Variants in CD93 observed in about 807,000 individuals in gnomAD.
CD93 encodes complement component C1q receptor.
In CD93, 44 loss-of-function variants were observed where a neutral mutation model predicts 45.5. That is an observed-to-expected ratio of 0.97 (90% CI 0.76 to 1.24). CD93 has a LOEUF of 1.24. Ranked by LOEUF, CD93 falls within the 50% of genes most tolerant of loss-of-function variation. The pLI is 0.00. For synonymous variants in CD93, 431 were observed against 370.8 expected (o/e 1.16, Z -1.87); for missense variants, 918 against 844.5 (o/e 1.09, Z -1.08).
rs1236594313 is a variant in CD93 at position 23,081,944 on chromosome 20, C to T, written c.*2006G>A. 1 of 152,216 alleles carries T rather than the reference C, an allele frequency of 6.6e-6. No individual in the cohort carries two copies. Among genetic ancestry groups the T allele is most frequent in the Admixed American group, 6.5e-5 (1 of 15,284 alleles). 9.4% of individuals were successfully genotyped at this position (152,216 alleles called of 1,614,324 possible). Reference sequence around the variant, plus strand: ...GATGTTGGTCAGCAGCGCATCCAGCCATGTCTTTAGAATCCTCTGAATGGC... The same window carrying T: ...GATGTTGGTCAGCAGCGCATCCAGCTATGTCTTTAGAATCCTCTGAATGGC... On this transcript the variant is annotated 3_prime_UTR_variant, in exon 2 of 2. Coordinates refer to ENST00000246006, the MANE Select transcript of CD93 (RefSeq NM_012072.4).
Position 23,083,924 on chromosome 20 carries a change from C to G in CD93, c.*26G>C, listed in dbSNP as rs1330637657. 2.4e-5 allele frequency: 38 copies of G among 1,612,372 alleles called. No individual in the cohort carries two copies. The highest frequency in any genetic ancestry group is 3.1e-5 in the Non-Finnish European group (37 of 1,178,418). ...GCTCTGAGGATGGTGGCTGGTGACT[C>G]TAGTGTCTCTAGGGCCACCTCACTT... On this transcript the variant is annotated 3_prime_UTR_variant, in exon 2 of 2. Coordinates refer to ENST00000246006, the MANE Select transcript of CD93 (RefSeq NM_012072.4).
chr20:23,084,218 C>A, intron 1 of CD93, 41 bp downstream of exon 1: 1 of 1,598,738 alleles, frequency 6.3e-7, no homozygotes. Flanking sequence ...TGCCCCCATG[C>A]CTGCCCATCC....
At position 23,081,623 on chromosome 20, in the gene CD93, G is replaced by A. The variant is rs1361062781; in HGVS notation, c.*2327C>T. 6 of 152,214 alleles carry A rather than the reference G, an allele frequency of 3.9e-5. No homozygotes were observed. Among genetic ancestry groups the A allele is most frequent in the African/African-American group, 1.4e-4 (6 of 41,438 alleles). The allele number at this position is 152,214 out of a possible 1,614,324, so 9.4% of individuals were successfully genotyped here. On this transcript the variant is annotated 3_prime_UTR_variant, in exon 2 of 2. Coordinates refer to ENST00000246006, the MANE Select transcript of CD93 (RefSeq NM_012072.4). ...CCAGCCTGCCAGGGAAGGTTTTGAG[G>A]AACTGGATTCTTTATCACCCATTTC...
Position 23,083,891 on chromosome 20 carries a change from A to T in CD93, c.*59T>A. On this transcript the variant is annotated 3_prime_UTR_variant, in exon 2 of 2. Coordinates refer to ENST00000246006, the MANE Select transcript of CD93 (RefSeq NM_012072.4). ...ATGTGGGTGCCCCTTTGGAATGGGGAGTTCAAAGCTCTGAGGATGGTGGCT... is the reference window on the plus strand; with the variant it reads ...ATGTGGGTGCCCCTTTGGAATGGGGTGTTCAAAGCTCTGAGGATGGTGGCT... 1 of 1,516,634 alleles carries T rather than the reference A, an allele frequency of 6.6e-7. No individual in the cohort carries two copies. Among genetic ancestry groups the T allele is most frequent in the African/African-American group, 1.4e-5 (1 of 73,110 alleles). 93.9% of individuals were successfully genotyped at this position (1,516,634 alleles called of 1,614,324 possible). A position where few individuals can be genotyped will look rare whatever the true frequency, so the allele number is the denominator to read the frequency against.
rs1288900543 is a variant in CD93, at chr20:23,079,610, CT to C, written c.*4339del. 2 of 152,192 alleles carry C rather than the reference CT, an allele frequency of 1.3e-5. No homozygotes were observed. Among genetic ancestry groups the C allele is most frequent in the Admixed American group, 1.3e-4 (2 of 15,278 alleles). The allele number at this position is 152,192 out of a possible 1,614,324, so 9.4% of individuals were successfully genotyped here. A position where few individuals can be genotyped will look rare whatever the true frequency, so the allele number is the denominator to read the frequency against. On this transcript the variant is annotated 3_prime_UTR_variant, in exon 2 of 2. Coordinates refer to ENST00000246006, the MANE Select transcript of CD93 (RefSeq NM_012072.4). ...ACACACATTTAAAAATACTTACATT[CT>C]CATTTAGCATTCATGAAGTGATTAC...
At chr20:23,084,118 G>A in intron 1 of CD93, 141 bp downstream of exon 1, 3 of 1,403,228 alleles carry the variant, frequency 2.1e-6, no homozygotes, top group Non-Finnish European at 2.0e-6. Context: ...CGTGGGGGGA[G>A]GTTGAGGGGT....
Position 23,084,284 on chromosome 20 carries a change from T to C in CD93, c.1909A>G (p.Ser637Gly). The C allele has an allele frequency of 6.2e-7, 1 of 1,614,022 alleles. No homozygotes were observed. Among genetic ancestry groups the C allele is most frequent in the Non-Finnish European group, 8.5e-7 (1 of 1,180,012 alleles). ...SYSWVPERAE[S>G]RAMENQYSPT... ...CTGTACTGGTTCTCCATGGCCCTGC[T>C]CTCAGCTCGCTCTGGAACCCAGGAG... The change falls in exon 1 of 2, where the codon AGC becomes GGC. Residue 637 changes from serine to glycine, a missense_variant. Ser to Gly is a moderately conservative substitution (Grantham distance 56). Coordinates refer to ENST00000246006, the MANE Select transcript of CD93 (RefSeq NM_012072.4).
chr20:23,083,849 T>C lies in CD93; in HGVS notation c.*101A>G, dbSNP rs548989390. 715 of 1,046,316 alleles carry C rather than the reference T, an allele frequency of 6.8e-4. 9 individuals carry two copies. The South Asian group carries it at 8.7e-3, about 13-fold the overall frequency. 64.8% of individuals were successfully genotyped at this position (1,046,316 alleles called of 1,614,324 possible). A position where few individuals can be genotyped will look rare whatever the true frequency, so the allele number is the denominator to read the frequency against. On this transcript the variant is annotated 3_prime_UTR_variant, in exon 2 of 2. Transcript: ENST00000246006. ...TTACAATTGTTTGCTAAGATTCCAG[T>C]CCAGTCTTTCAAAAAAATGTGGGTG...
rs1985389315 is a variant in CD93 at position 23,083,706 on chromosome 20, A to G, written c.*244T>C. On this transcript the variant is annotated 3_prime_UTR_variant, in exon 2 of 2. Coordinates refer to ENST00000246006, the MANE Select transcript of CD93 (RefSeq NM_012072.4). ...ATTTGAAAAGGGAGGGGGAGTAACA[A>G]TCATTATAGAGTCACGAAATCCCCA... is the stretch of plus-strand genomic sequence containing the variant. 7.0e-6 allele frequency: 4 copies of G among 574,900 alleles called. No homozygotes were observed. Among genetic ancestry groups the G allele is most frequent in the Non-Finnish European group, 9.3e-6 (3 of 321,106 alleles). The allele number at this position is 574,900 out of a possible 1,614,324, so 35.6% of individuals were successfully genotyped here. A position where few individuals can be genotyped will look rare whatever the true frequency, so the allele number is the denominator to read the frequency against.
At chr20:23,084,114 G>GGGA (rs1985402105) in intron 1 of CD93, 140 bp from the exon 2 acceptor site, 1 of 1,395,628 alleles carries the variant, frequency 7.2e-7, no homozygotes, top group Non-Finnish European at 1.0e-6. Flanking sequence ...CTGGCGTGGG[G>GGGA]GGAGGTTGAG....
rs1457403714 is a variant in CD93, at chr20:23,081,289, T to A, written c.*2661A>T. The A allele has an allele frequency of 6.6e-6, 1 of 152,200 alleles. No individual in the cohort carries two copies. The highest frequency in any genetic ancestry group is 1.5e-5 in the Non-Finnish European group (1 of 68,094). The allele number at this position is 152,200 out of a possible 1,614,324, so 9.4% of individuals were successfully genotyped here. A position where few individuals can be genotyped will look rare whatever the true frequency, so the allele number is the denominator to read the frequency against. Reference sequence around the variant, plus strand: ...AGGTGGCAGGGTGCACCTCTCCCCATACTGTGACCCTTGGATTCCCCACTG... The same window carrying A: ...AGGTGGCAGGGTGCACCTCTCCCCAAACTGTGACCCTTGGATTCCCCACTG... On this transcript the variant is annotated 3_prime_UTR_variant, in exon 2 of 2. Transcript: ENST00000246006.
In CD93 at chr20:23,085,573, G is replaced by C; in HGVS notation, c.620C>G (p.Thr207Ser). The C allele has an allele frequency of 6.2e-7, 1 of 1,613,900 alleles. No homozygotes were observed. The highest frequency in any genetic ancestry group is 8.5e-7 in the Non-Finnish European group (1 of 1,180,046). The part of the protein sequence containing the change: ...GQVTYTTPFQ[T>S]TSSSLEAVPF... ...CACAGCCTCCAAGGAGGAACTGGTG[G>C]TCTGGAAGGGGGTGGTGTAGGTCAC... is the stretch of plus-strand genomic sequence containing the variant. Residue 207 changes from threonine (T) to serine (S), a missense_variant, in exon 1 of 2, where the codon ACC becomes AGC. By Grantham distance (58) the Thr-to-Ser change is moderately conservative. Transcript: ENST00000246006.
intron 1 of CD93, 41 bp from the exon 2 acceptor site, chr20:23,084,015 C>T: frequency 6.2e-7 from 1 of 1,612,412 alleles, no homozygotes; most frequent in Non-Finnish European, 8.5e-7. Flanking sequence ...GCCATGGCGC[C>T]TCTGTGCCTG....
rs375955489 is a variant in CD93, at chr20:23,085,258, C to T, written c.935G>A (p.Arg312His). 1.6e-5 allele frequency: 26 copies of T among 1,613,072 alleles called. No homozygotes were observed. Among genetic ancestry groups the T allele is most frequent in the Non-Finnish European group, 2.1e-5 (25 of 1,179,666 alleles). ...SRNPCSSSPC[R>H]GGATCVLGPH... ...TCCCAGGACGCACGTGGCCCCCCCACGACATGGGCTGGAGCTGCAAGGGTT... is the reference window on the plus strand; with the variant it reads ...TCCCAGGACGCACGTGGCCCCCCCATGACATGGGCTGGAGCTGCAAGGGTT... The change falls in exon 1 of 2, where the codon CGT (arginine) becomes CAT (histidine). Residue 312 changes from arginine to histidine, a missense_variant. Transcript: ENST00000246006.
rs34170527 is a variant in CD93, at chr20:23,085,242, G to T, written c.951C>A (p.Cys317Ter). The change falls in exon 1 of 2, where the codon TGC becomes TGA. Residue 317 changes from cysteine to a stop codon, truncating the protein, a stop_gained. Transcript: ENST00000246006. LOFTEE classifies it high-confidence loss of function. ...AGTTTTTCCCATGGGGTCCCAGGAC[G>T]CACGTGGCCCCCCCACGACATGGGC... ...SSSPCRGGAT[C>*]VLGPHGKNYT... is the part of the protein sequence containing the mutation. The T allele has an allele frequency of 3.7e-6, 6 of 1,611,620 alleles. No homozygotes were observed. The South Asian group carries it at 5.5e-5, about 15-fold the overall frequency.
At position 23,085,195 on chromosome 20, in the gene CD93, C is replaced by A; in HGVS notation, c.998G>T (p.Gly333Val). 6.3e-7 allele frequency: 1 copy of A among 1,593,726 alleles called. No individual in the cohort carries two copies. The highest frequency in any genetic ancestry group is 8.6e-7 in the Non-Finnish European group (1 of 1,169,460). ...GKNYTCRCPQ[G>V]YQLDSSQLDC... ...CAGCTGACTCGAGTCCAGCTGGTAC[C>A]CTTGGGGGCAGCGGCACGTGTAGTT... The change falls in exon 1 of 2, where the codon GGG (glycine) becomes GTG (valine). Residue 333 changes from glycine (G) to valine (V), a missense_variant. By Grantham distance (109) the Gly-to-Val change is moderately radical. Coordinates refer to ENST00000246006, the MANE Select transcript of CD93 (RefSeq NM_012072.4).
Position 23,082,564 on chromosome 20 carries a change from TGTGTGAGAGAGA to T in CD93, c.*1374_*1385del, listed in dbSNP as rs1252455994. On this transcript the variant is annotated 3_prime_UTR_variant, in exon 2 of 2. Transcript: ENST00000246006. The stretch of plus-strand genomic sequence containing the variant: ...GTGTGTGTGTGTGTGTGTGTGTGTG[TGTGTGAGAGAGA>T]GAGAGAGAGAGAAAGAGTGCACACT... The T allele has an allele frequency of 2.0e-5, 3 of 147,644 alleles. No homozygotes were observed. Among genetic ancestry groups the T allele is most frequent in the Non-Finnish European group, 3.0e-5 (2 of 66,784 alleles). The allele number at this position is 147,644 out of a possible 1,614,324, so 9.1% of individuals were successfully genotyped here.
rs751371063 is a variant in CD93 at position 23,085,356 on chromosome 20, C to T, written c.837G>A (p.Gly279=). Residue 279 remains glycine (G), a synonymous_variant, in exon 1 of 2, where the codon GGG becomes GGA. Transcript: ENST00000246006. ...GGCAGCCGCAGAGGAAGGAGCCATC[C>T]CCCCCTTCAAAGCAGTCCTGGTGGC... ...GGCHQDCFEG[G]DGSFLCGCRP... is the part of the protein sequence containing the mutation. 8 of 1,613,910 alleles carry T rather than the reference C, an allele frequency of 5.0e-6. No homozygotes were observed. Among genetic ancestry groups the T allele is most frequent in the Non-Finnish European group, 6.8e-6 (8 of 1,180,010 alleles).
intron 1 of CD93, 140 bp downstream of exon 1, chr20:23,084,119 G>A: frequency 2.1e-6 from 3 of 1,410,292 alleles, no homozygotes; most frequent in African/African-American, 1.4e-5. Context: ...GTGGGGGGAG[G>A]TTGAGGGGTC....
Sources: allele counts gnomAD v4.1 joint callset, GRCh38; gene constraint gnomAD v4.1.1; transcripts MANE v1.5; gene names NCBI Gene and HGNC (gene_info 2026-07-23, HGNC 2026-07-21).